Variants in RFT1 observed in about 807,000 individuals in gnomAD.
RFT1 encodes the protein man(5)GlcNAc(2)-PP-dolichol translocation protein RFT1.
Under a neutral mutation model 62.2 loss-of-function variants are expected in RFT1, and 43 were observed. The ratio of observed to expected loss-of-function variants is 0.69; its 90% CI spans 0.54 to 0.89. RFT1 has a LOEUF of 0.89. Ranked by LOEUF, RFT1 falls within the 40% of genes least tolerant of loss-of-function variation. RFT1 has a pLI of 0.00. For missense variants in RFT1, 605 were observed against 649.9 expected (o/e 0.93, Z 0.75); for synonymous variants, 262 against 264.6 (o/e 0.99, Z 0.10).
Position 53,094,951 on chromosome 3 carries a change from G to T in RFT1, c.1209-2333C>A, listed in dbSNP as rs527870198. 9.2e-5 allele frequency among the ~76,000 whole-genome samples: 14 copies of T among 152,182 alleles called. No individual in the cohort carries two copies. The East Asian group carries it at 2.3e-3, about 25-fold the overall frequency. On this transcript the variant is annotated intron_variant, in intron 11 of 12. Coordinates refer to ENST00000296292, the MANE Select transcript of RFT1 (RefSeq NM_052859.4). ...CATAATCCACTTCAGGAAAAAATGA[G>T]AATTTTAAAAATGCAATTAAAATAT...
At chr3:53,122,719 G>A (rs182009659) in intron 3 of RFT1, among the ~76,000 whole-genome samples, 156 bp from the exon 4 acceptor site, 5 of 152,082 alleles carry the variant, frequency 3.3e-5, no homozygotes, top group African/African-American at 9.6e-5. Context: ...GATTCACGCC[G>A]CTTATCTCAC....
chr3:53,130,215 C>G (rs1702223769), intron 1 of RFT1, 123 bp downstream of exon 1: 6 of 972,336 alleles, frequency 6.2e-6, no homozygotes, highest in Non-Finnish European at 8.1e-6. Flanking sequence ...CCCCCCACCC[C>G]CTCCATTGCG....
chr3:53,126,666 T>C (rs1399732239), intron 1 of RFT1, among the ~76,000 whole-genome samples: 1 of 152,156 alleles, frequency 6.6e-6, no homozygotes, highest in African/African-American at 2.4e-5. Context: ...TGTCCAATTA[T>C]TGCCGCTTGA....
chr3:53,072,673 T>C, the RFT1 span, among the ~76,000 whole-genome samples: 5 of 152,210 alleles, frequency 3.3e-5, no homozygotes, highest in African/African-American at 1.2e-4. Flanking sequence ...AGGGAGGCCA[T>C]TTAAGGTCTA....
the RFT1 span, among the ~76,000 whole-genome samples, chr3:53,075,812 G>A: frequency 1.3e-5 from 2 of 152,212 alleles, no homozygotes; most frequent in African/African-American, 2.4e-5. Flanking sequence ...GCTCAGCCCC[G>A]AGATGGGGGA....
At chr3:53,094,363 A>G (rs1457595509) in intron 11 of RFT1, among the ~76,000 whole-genome samples, 3,797 of 148,522 alleles carry the variant, frequency 0.026, 165 homozygotes, top group African/African-American at 0.087. Flanking sequence ...ACACACACAC[A>G]CACACACACA....
chr3:53,088,128 C>T (rs1413617343), downstream of RFT1, among the ~76,000 whole-genome samples: 1 of 152,184 alleles, frequency 6.6e-6, no homozygotes. Context: ...TGAAACTAGT[C>T]CTGACTTCTC....
At chr3:53,125,002 A>G (rs558455036) in intron 2 of RFT1, among the ~76,000 whole-genome samples, 3 of 152,268 alleles carry the variant, frequency 2.0e-5, no homozygotes, top group South Asian at 4.2e-4. Context: ...AAGAAGGTGA[A>G]GAAGAGGAAA....
the RFT1 span, among the ~76,000 whole-genome samples, chr3:53,068,938 GTTGT>G: frequency 3.3e-5 from 5 of 152,114 alleles, no homozygotes; most frequent in East Asian, 7.7e-4. Context: ...GTGACATTTT[GTTGT>G]TTGTTTTTGT....
At chr3:53,098,656 G>T (rs1701217820) in intron 11 of RFT1, among the ~76,000 whole-genome samples, 1 of 151,966 alleles carries the variant, frequency 6.6e-6, no homozygotes, top group African/African-American at 2.4e-5. Context: ...CAAAAAATTA[G>T]CCAGGCATGG....
intron 11 of RFT1, among the ~76,000 whole-genome samples, chr3:53,095,913 G>T (rs987544960): frequency 2.0e-5 from 3 of 152,148 alleles, no homozygotes; most frequent in Non-Finnish European, 4.4e-5. Flanking sequence ...TCATTTGACA[G>T]TTATGGAGTC....
intron 1 of RFT1, among the ~76,000 whole-genome samples, chr3:53,127,664 A>G (rs926009063): frequency 1.3e-5 from 2 of 151,900 alleles, no homozygotes; most frequent in Non-Finnish European, 2.9e-5. Flanking sequence ...AAAAAAAAAA[A>G]AAAAAGAAAA....
At chr3:53,099,047 G>A (rs1441612217) in intron 11 of RFT1, among the ~76,000 whole-genome samples, 2 of 152,160 alleles carry the variant, frequency 1.3e-5, no homozygotes, top group South Asian at 2.1e-4. Flanking sequence ...CCACTCTTCT[G>A]GGGTGAGCAA....
chr3:53,122,479 A>G lies in RFT1; in HGVS notation c.351T>C (p.Pro117=), dbSNP rs768585147. The G allele has an allele frequency of 8.7e-6, 14 of 1,614,136 alleles. 1 individual carries two copies. The South Asian group carries it at 1.5e-4, about 18-fold the overall frequency. ...ACAGCACCACTCCAGTTGCATAGTG[A>G]GGGACAACATTAGGATCAGGCACTT... ...LLEVPDPNVV[P]HYATGVVLFG... is the part of the protein sequence containing the mutation. Residue 117 remains proline (P), a synonymous_variant, in exon 4 of 13, where the codon CCT becomes CCC. Coordinates refer to ENST00000296292, the MANE Select transcript of RFT1 (RefSeq NM_052859.4).
At chr3:53,123,578 C>T (rs1702027008) in intron 3 of RFT1, 146 bp downstream of exon 3, 11 of 697,760 alleles carry the variant, frequency 1.6e-5, no homozygotes, top group South Asian at 1.5e-4. Flanking sequence ...AACACTGTCC[C>T]CGTCTTGTTG....
At chr3:53,099,636 T>G in intron 10 of RFT1, 150 bp from the exon 11 acceptor site, 13 of 685,362 alleles carry the variant, frequency 1.9e-5, no homozygotes, top group East Asian at 1.4e-4. Context: ...GCCCAGGGTC[T>G]TAATAATCTA....
Position 53,111,743 on chromosome 3 carries a change from A to G in RFT1, c.775+87T>C, listed in dbSNP as rs1701654013. ...TTCTTCTGCCCCAGAGGCTCTGGAC[A>G]GGTGGTCTGGACCCAGGTAATTGGC... On this transcript the variant is annotated intron_variant, in intron 7 of 12. Transcript: ENST00000296292. 5 of 1,077,398 alleles carry G rather than the reference A, an allele frequency of 4.6e-6. No homozygotes were observed. In the South Asian group the frequency reaches 6.3e-5, roughly 13 times the overall value. The allele number at this position is 1,077,398 out of a possible 1,614,324, so 66.7% of individuals were successfully genotyped here.
intron 7 of RFT1, among the ~76,000 whole-genome samples, chr3:53,109,689 G>A (rs868139440): frequency 1.4e-4 from 21 of 152,074 alleles, no homozygotes; most frequent in South Asian, 2.1e-4. Flanking sequence ...TAGGTGCCTT[G>A]CCTGTAGTCC....
At position 53,122,505 on chromosome 3, in the gene RFT1, C is replaced by T; in HGVS notation, c.325G>A (p.Glu109Lys). Residue 109 changes from glutamate (E) to lysine (K), a missense_variant, in exon 4 of 13, where the codon GAA (glutamate) becomes AAA (lysine). Transcript: ENST00000296292. ...GGGACAACATTAGGATCAGGCACTTCAAGCAGCTGCAACCAGATCCAGCCC... is the reference window on the plus strand; with the variant it reads ...GGGACAACATTAGGATCAGGCACTTTAAGCAGCTGCAACCAGATCCAGCCC... ...FLGWIWLQLL[E>K]VPDPNVVPHY... 1.2e-6 allele frequency: 2 copies of T among 1,613,894 alleles called. No individual in the cohort carries two copies. Among genetic ancestry groups the T allele is most frequent in the African/African-American group, 2.7e-5 (2 of 74,974 alleles).
Sources: allele counts gnomAD v4.1 joint callset (sites outside exome capture counted in the v4.1 genomes callset), GRCh38; gene constraint gnomAD v4.1.1; transcripts MANE v1.5; gene names NCBI Gene and HGNC (gene_info 2026-07-23, HGNC 2026-07-21).